BCL2L14: variants seen among roughly 807,000 people sequenced by gnomAD.
BCL2L14 encodes BCL2 like 14, also known as apoptosis facilitator Bcl-2-like protein 14.
In BCL2L14, 27 loss-of-function variants were observed where a neutral mutation model predicts 35.3. The observed-to-expected ratio is 0.76, with a 90% CI of 0.56 to 1.05. The LOEUF (loss-of-function observed/expected upper bound fraction) is 1.05. Among genes scored for constraint, BCL2L14 ranks in the 50% least tolerant of loss-of-function variants. The probability of loss-of-function intolerance (pLI) is 0.00; values close to 1 mark genes in which losing one functional copy is unlikely to be tolerated. For synonymous variants in BCL2L14, 139 were observed against 145.9 expected (o/e 0.95, Z 0.34); for missense variants, 377 against 382.6 (o/e 0.99, Z 0.12).
chr12:12,086,769 A>C (rs1453787139), intron 2 of BCL2L14, among the ~76,000 whole-genome samples: 1 of 152,240 alleles, frequency 6.6e-6, no homozygotes, highest in Non-Finnish European at 1.5e-5. Flanking sequence ...TTCAGTGACC[A>C]ACCCCGAAAT....
Position 12,093,301 on chromosome 12 carries a change from A to T in BCL2L14, c.679-1363A>T, listed in dbSNP as rs561682598. On this transcript the variant is annotated intron_variant, in intron 4 of 5. Transcript: ENST00000308721. ...GAAAAATGACTCGCATTTCCAAAGC[A>T]CCTCTTCTATGTCCAGCACTATAAA... 1.5e-4 allele frequency among the ~76,000 whole-genome samples: 23 copies of T among 152,188 alleles called. No homozygotes were observed. The South Asian group carries it at 4.8e-3, about 32-fold the overall frequency.
intron 2 of BCL2L14, among the ~76,000 whole-genome samples, chr12:12,061,742 A>C (rs1229445827): frequency 6.6e-6 from 1 of 152,172 alleles, no homozygotes; most frequent in Non-Finnish European, 1.5e-5. Flanking sequence ...CCTGGGCTGT[A>C]CTGCCGGAAG....
chr12:12,059,994 C>T (rs182285474), intron 2 of BCL2L14, among the ~76,000 whole-genome samples: 1 of 152,016 alleles, frequency 6.6e-6, no homozygotes, highest in Non-Finnish European at 1.5e-5. Flanking sequence ...CCTTCTTTCC[C>T]TCCCACCTGT....
At chr12:12,092,788 G>A (rs1042056562) in intron 4 of BCL2L14, among the ~76,000 whole-genome samples, 6 of 152,128 alleles carry the variant, frequency 3.9e-5, no homozygotes, top group Admixed American at 1.3e-4. Context: ...GGGCCTGGAC[G>A]GTGGGGGTGG....
intron 2 of BCL2L14, among the ~76,000 whole-genome samples, chr12:12,065,729 A>T (rs1292196635): frequency 6.6e-6 from 1 of 151,686 alleles, no homozygotes; most frequent in Non-Finnish European, 1.5e-5. Flanking sequence ...GTCTCCAGCG[A>T]CTGAGAATCT....
At chr12:12,071,413 T>C (rs1948667260) in intron 1 of BCL2L14, 1 of 152,188 alleles carries the variant, frequency 6.6e-6, no homozygotes, top group African/African-American at 2.4e-5. Context: ...ACATTACTGG[T>C]TGAGGTATGT....
At chr12:12,067,698 C>T (rs185144778), upstream of BCL2L14, among the ~76,000 whole-genome samples, 1 of 152,292 alleles carries the variant, frequency 6.6e-6, no homozygotes, top group Non-Finnish European at 1.5e-5. Flanking sequence ...TTATGGCAAT[C>T]CTTATTATGA....
chr12:12,075,525 A>G (rs150700055), intron 1 of BCL2L14, among the ~76,000 whole-genome samples: 2,535 of 151,926 alleles, frequency 0.017, 37 homozygotes, highest in African/African-American at 0.024. Flanking sequence ...TCCTGGGTTC[A>G]AGTGATTCTC....
At chr12:12,060,409 T>A (rs11615640) in intron 2 of BCL2L14, among the ~76,000 whole-genome samples, 4 of 63,336 alleles carry the variant, frequency 6.3e-5, no homozygotes, top group Non-Finnish European at 3.1e-5. Flanking sequence ...GCCGTCTTAT[T>A]CTCAAAATAC....
intron 5 of BCL2L14, among the ~76,000 whole-genome samples, chr12:12,096,530 T>C (rs569196629): frequency 6.6e-6 from 1 of 151,744 alleles, no homozygotes; most frequent in African/African-American, 2.4e-5. Context: ...ACTATTATAA[T>C]TGAACAATAA....
At chr12:12,094,074 T>A (rs1949257806) in intron 4 of BCL2L14, among the ~76,000 whole-genome samples, 1 of 146,926 alleles carries the variant, frequency 6.8e-6, no homozygotes. Flanking sequence ...ACCACTGCAC[T>A]CCAGCCTGGG....
chr12:12,070,371 TG>T (rs1355969843), upstream of BCL2L14, among the ~76,000 whole-genome samples: 1 of 152,224 alleles, frequency 6.6e-6, no homozygotes, highest in East Asian at 1.9e-4. Flanking sequence ...TCGTAACGCC[TG>T]CCTCTCAATG....
chr12:12,059,764 G>A (rs531932908), intron 2 of BCL2L14, among the ~76,000 whole-genome samples: 15 of 151,998 alleles, frequency 9.9e-5, no homozygotes, highest in Admixed American at 9.8e-4. Context: ...TAAAATCTAA[G>A]TGTCTTATTT....
chr12:12,075,057 A>G (rs1948749724), intron 1 of BCL2L14, among the ~76,000 whole-genome samples: 2 of 152,160 alleles, frequency 1.3e-5, no homozygotes. Context: ...ACGATTTAAT[A>G]AAGATCCACT....
At chr12:12,090,120 C>T (rs893327434) in intron 3 of BCL2L14, among the ~76,000 whole-genome samples, 1 of 152,114 alleles carries the variant, frequency 6.6e-6, no homozygotes, top group Non-Finnish European at 1.5e-5. Flanking sequence ...GAAGAATATT[C>T]CCCCTAAATA....
intron 2 of BCL2L14, among the ~76,000 whole-genome samples, chr12:12,082,103 G>A (rs576599862): frequency 1.7e-3 from 261 of 152,312 alleles, no homozygotes; most frequent in African/African-American, 6.1e-3. Flanking sequence ...ATCATCTGAG[G>A]GAACCTCATG....
chr12:12,085,489 G>A (rs916533890), intron 2 of BCL2L14, among the ~76,000 whole-genome samples: 66 of 152,282 alleles, frequency 4.3e-4, no homozygotes, highest in Admixed American at 1.9e-3. Context: ...AGTCTGTTTC[G>A]CTTGGTTCTT....
chr12:12,097,139 T>C (rs910939512), intron 5 of BCL2L14, among the ~76,000 whole-genome samples: 13 of 152,124 alleles, frequency 8.5e-5, no homozygotes, highest in African/African-American at 3.1e-4. Flanking sequence ...AGCGAGACTC[T>C]GTCTCAAAAA....
At chr12:12,082,299 C>T (rs1006898505) in intron 2 of BCL2L14, among the ~76,000 whole-genome samples, 14 of 152,214 alleles carry the variant, frequency 9.2e-5, no homozygotes, top group Admixed American at 9.2e-4. Context: ...GAGGGAGCGG[C>T]CCCCTGTGGT....
Sources: allele counts gnomAD v4.1 joint callset (sites outside exome capture counted in the v4.1 genomes callset), GRCh38; gene constraint gnomAD v4.1.1; transcripts MANE v1.5; gene names NCBI Gene and HGNC (gene_info 2026-07-23, HGNC 2026-07-21).